Variants in RNF180 observed in about 807,000 individuals in gnomAD.
RNF180 encodes ring finger protein 180.
Under a neutral mutation model 59.2 loss-of-function variants are expected in RNF180, and 38 were observed. The observed-to-expected ratio is 0.64, with a 90% CI of 0.50 to 0.84. The LOEUF is 0.84. Ranked by LOEUF, RNF180 falls within the 40% of genes least tolerant of loss-of-function variation. The pLI, the probability that RNF180 is intolerant of heterozygous loss-of-function variation, is 0.00. For synonymous variants in RNF180, 262 were observed against 240.3 expected, an observed-to-expected ratio of 1.09 and a Z score of -0.84; for missense variants, 705 against 700.9, an observed-to-expected ratio of 1.01 and a Z score of -0.07.
intron 5 of RNF180, among the ~76,000 whole-genome samples, chr5:64,280,003 G>T (rs1158708820): frequency 6.6e-6 from 1 of 152,146 alleles, no homozygotes; most frequent in African/African-American, 2.4e-5. Flanking sequence ...TGAGGCAGGA[G>T]AATCACTTGA....
intron 5 of RNF180, 96 bp downstream of exon 5, chr5:64,217,492 G>C: frequency 1.5e-6 from 2 of 1,311,652 alleles, no homozygotes; most frequent in Non-Finnish European, 9.7e-7. Flanking sequence ...TCCATTTTCT[G>C]TGCGTCCTTG....
intron 2 of RNF180, among the ~76,000 whole-genome samples, chr5:64,206,603 A>G (rs1380969876): frequency 1.3e-5 from 2 of 152,202 alleles, no homozygotes; most frequent in Admixed American, 6.5e-5. Flanking sequence ...TTTGTTCCAT[A>G]CTAGTCTTAG....
At chr5:64,203,127 G>T (rs935689655) in intron 2 of RNF180, among the ~76,000 whole-genome samples, 1 of 152,148 alleles carries the variant, frequency 6.6e-6, no homozygotes, top group African/African-American at 2.4e-5. Flanking sequence ...GATGTATTGG[G>T]ATGGATAGTG....
chr5:64,215,917 A>G (rs1292564510), intron 4 of RNF180, among the ~76,000 whole-genome samples: 6 of 152,192 alleles, frequency 3.9e-5, no homozygotes, highest in Non-Finnish European at 5.9e-5. Context: ...CCTCAGCTAC[A>G]TGATTGATCA....
intron 1 of RNF180, among the ~76,000 whole-genome samples, chr5:64,170,429 G>A (rs6449702): frequency 0.39 from 59,854 of 151,894 alleles, 12,178 homozygotes; most frequent in African/African-American, 0.47. Flanking sequence ...ACAAGCAGTT[G>A]TGTTCGGGGT....
chr5:64,269,574 A>G (rs546733230), intron 5 of RNF180, among the ~76,000 whole-genome samples: 7 of 152,298 alleles, frequency 4.6e-5, no homozygotes, highest in South Asian at 4.1e-4. Flanking sequence ...ATGATTTTCA[A>G]AAAACCTTAC....
At chr5:64,297,194 A>C (rs1322444400) in intron 5 of RNF180, among the ~76,000 whole-genome samples, 1 of 151,904 alleles carries the variant, frequency 6.6e-6, no homozygotes. Flanking sequence ...CTATTCTTTT[A>C]ATGTTTTGTA....
chr5:64,185,263 T>A (rs1750813240), intron 1 of RNF180, among the ~76,000 whole-genome samples: 1 of 152,204 alleles, frequency 6.6e-6, no homozygotes, highest in South Asian at 2.1e-4. Context: ...CATAACAGTG[T>A]TTGTCTGGTA....
chr5:64,176,648 A>G (rs936472009), intron 1 of RNF180, among the ~76,000 whole-genome samples: 4 of 152,190 alleles, frequency 2.6e-5, no homozygotes, highest in Non-Finnish European at 5.9e-5. Flanking sequence ...CATAGCAAGC[A>G]GAAATACTGG....
intron 1 of RNF180, among the ~76,000 whole-genome samples, chr5:64,190,023 T>G (rs1422698704): frequency 6.6e-6 from 1 of 152,198 alleles, no homozygotes; most frequent in East Asian, 1.9e-4. Flanking sequence ...CTAAGGCTGT[T>G]TCTTCCTCAG....
Position 64,249,442 on chromosome 5 carries a change from G to A in RNF180, c.1227+32046G>A, listed in dbSNP as rs1380046763. Among the ~76,000 whole-genome samples the A allele has an allele frequency of 2.0e-5, 3 of 152,090 alleles. No homozygotes were observed. The East Asian group carries it at 5.8e-4, about 29-fold the overall frequency. ...AAGTGCTAAAGGAAAATACACTATTGTGAATACTATACTTAGAAAAGCTGT... is the reference window on the plus strand; with the variant it reads ...AAGTGCTAAAGGAAAATACACTATTATGAATACTATACTTAGAAAAGCTGT... On this transcript the variant is annotated intron_variant, in intron 5 of 7. Transcript: ENST00000389100.
intron 1 of RNF180, among the ~76,000 whole-genome samples, chr5:64,197,015 C>A (rs2112034744): frequency 6.6e-6 from 1 of 152,158 alleles, no homozygotes; most frequent in Non-Finnish European, 1.5e-5. Context: ...TCTCAAGTTT[C>A]AATTTATGAA....
At chr5:64,306,529 T>A (rs924931298) in intron 5 of RNF180, among the ~76,000 whole-genome samples, 1 of 151,638 alleles carries the variant, frequency 6.6e-6, no homozygotes, top group African/African-American at 2.4e-5. Flanking sequence ...TTTAGTTTCC[T>A]CTAAAAAGAT....
At chr5:64,255,129 TA>T in intron 5 of RNF180, among the ~76,000 whole-genome samples, 1 of 152,322 alleles carries the variant, frequency 6.6e-6, no homozygotes, top group East Asian at 1.9e-4. Context: ...AACCATTATC[TA>T]AAAAATGTTG....
Position 64,212,136 on chromosome 5 carries a change from A to G in RNF180, c.207A>G (p.Glu69=), listed in dbSNP as rs201803442. The change falls in exon 3 of 8, where the codon GAA becomes GAG. Residue 69 remains glutamate (E), a synonymous_variant. Transcript: ENST00000389100. The part of the protein sequence containing the change: ...VWHMNVEALP[E]WISCLIQKAQ... ...ACATGAATGTAGAAGCCCTTCCAGA[A>G]TGGATAAGCTGCCTAATCCAAAAAG... The G allele has an allele frequency of 3.1e-5, 50 of 1,598,834 alleles. No homozygotes were observed. The East Asian group carries it at 1.0e-3, about 32-fold the overall frequency.
At chr5:64,203,178 A>G (rs1249504669) in intron 2 of RNF180, among the ~76,000 whole-genome samples, 1 of 152,192 alleles carries the variant, frequency 6.6e-6, no homozygotes, top group Non-Finnish European at 1.5e-5. Flanking sequence ...TCTGGTCCTT[A>G]GGATCTCTAA....
intron 5 of RNF180, among the ~76,000 whole-genome samples, chr5:64,277,190 A>G (rs12523649): frequency 0.11 from 15,122 of 140,750 alleles, 867 homozygotes; most frequent in South Asian, 0.17. Context: ...AAAAAAAAAA[A>G]GGGGAAAAAA....
At chr5:64,360,116 G>A (rs780219630) in intron 7 of RNF180, among the ~76,000 whole-genome samples, 5 of 151,768 alleles carry the variant, frequency 3.3e-5, no homozygotes, top group African/African-American at 4.8e-5. Context: ...TTGGTTATGC[G>A]GGCTCTTTTT....
intron 1 of RNF180, among the ~76,000 whole-genome samples, chr5:64,169,501 A>T (rs1224998057): frequency 6.6e-6 from 1 of 152,192 alleles, no homozygotes; most frequent in African/African-American, 2.4e-5. Context: ...CACACTAGGG[A>T]GACTACCATT....
Sources: allele counts gnomAD v4.1 joint callset (sites outside exome capture counted in the v4.1 genomes callset), GRCh38; gene constraint gnomAD v4.1.1; transcripts MANE v1.5; gene names NCBI Gene and HGNC (gene_info 2026-07-23, HGNC 2026-07-21).